Variants in BMPER observed in about 807,000 individuals in gnomAD.
BMPER encodes the protein BMP-binding endothelial regulator protein.
A neutral mutation model predicts 87.3 loss-of-function variants in BMPER; 45 were observed. The observed-to-expected ratio is 0.52, with a 90% CI of 0.41 to 0.66. The LOEUF is 0.66. Among genes scored for constraint, BMPER ranks in the 30% least tolerant of loss-of-function variants. The pLI, the probability that BMPER is intolerant of heterozygous loss-of-function variation, is 0.00. For missense variants in BMPER, 784 were observed against 867.5 expected, an observed-to-expected ratio of 0.90 and a Z score of 1.21; for synonymous variants, 326 against 316.2, an observed-to-expected ratio of 1.03 and a Z score of -0.33.
chr7:33,990,611 T>C lies in BMPER; in HGVS notation c.576+15827T>C, dbSNP rs1786181303. Among the ~76,000 whole-genome samples, 3 of 151,908 alleles carry C rather than the reference T, an allele frequency of 2.0e-5. No individual in the cohort carries two copies. The South Asian group carries it at 6.3e-4, about 32-fold the overall frequency. On this transcript the variant is annotated intron_variant, in intron 6 of 14. Transcript: ENST00000649409. The stretch of plus-strand genomic sequence containing the variant: ...TTCTAATTGAATACCCTTTATTTCC[T>C]TCTCCTGACTAATTGCCCTGGCCAG...
At chr7:33,995,568 A>T (rs1786384589) in intron 6 of BMPER, among the ~76,000 whole-genome samples, 1 of 152,154 alleles carries the variant, frequency 6.6e-6, no homozygotes, top group Admixed American at 6.5e-5. Flanking sequence ...GTAGCATGGT[A>T]TGCCTCCACA....
chr7:34,104,678 G>A (rs932763960), intron 13 of BMPER, among the ~76,000 whole-genome samples: 5 of 152,150 alleles, frequency 3.3e-5, no homozygotes, highest in Non-Finnish European at 7.3e-5. Flanking sequence ...GGGTTGAAAC[G>A]TGGGTGTGGC....
chr7:34,076,779 G>A (rs562012274), intron 11 of BMPER, among the ~76,000 whole-genome samples: 1 of 152,252 alleles, frequency 6.6e-6, no homozygotes, highest in Admixed American at 6.5e-5. Context: ...GGAGAAGATT[G>A]CCACAGGAGA....
intron 1 of BMPER, 55 bp downstream of exon 1, chr7:33,905,801 GA>G: frequency 2.1e-6 from 2 of 974,932 alleles, no homozygotes; most frequent in Non-Finnish European, 1.5e-6. Context: ...TGGTACCTGG[GA>G]AAGGTGGCGC....
At chr7:34,116,715 C>T (rs529734979) in intron 13 of BMPER, among the ~76,000 whole-genome samples, 5 of 152,196 alleles carry the variant, frequency 3.3e-5, no homozygotes, top group African/African-American at 7.2e-5. Context: ...CCTGGCTGGG[C>T]GCTGTGGCTC....
At chr7:34,099,833 G>A (rs1470064921) in intron 13 of BMPER, among the ~76,000 whole-genome samples, 1 of 151,630 alleles carries the variant, frequency 6.6e-6, no homozygotes, top group Non-Finnish European at 1.5e-5. Flanking sequence ...TGCTTAAGAT[G>A]TTCTCAATTG....
chr7:34,113,248 T>A (rs976999786), intron 13 of BMPER, among the ~76,000 whole-genome samples: 1 of 151,994 alleles, frequency 6.6e-6, no homozygotes, highest in Non-Finnish European at 1.5e-5. Context: ...GATATTAGCC[T>A]TTTATAGTAT....
intron 6 of BMPER, among the ~76,000 whole-genome samples, chr7:34,014,922 C>T (rs1786979661): frequency 6.6e-6 from 1 of 151,790 alleles, no homozygotes; most frequent in Non-Finnish European, 1.5e-5. Flanking sequence ...TGCTTACAAA[C>T]TTGTTTTGTT....
At chr7:34,084,678 TCA>T (rs1275105971) in intron 12 of BMPER, among the ~76,000 whole-genome samples, 3 of 152,210 alleles carry the variant, frequency 2.0e-5, no homozygotes, top group Non-Finnish European at 4.4e-5. Flanking sequence ...GGTGGTATCT[TCA>T]CACACAGTGT....
chr7:33,936,918 C>A (rs952419016), intron 2 of BMPER, among the ~76,000 whole-genome samples: 5 of 152,170 alleles, frequency 3.3e-5, no homozygotes, highest in African/African-American at 1.2e-4. Flanking sequence ...AGTCCTGGCC[C>A]AGGTAGCCCA....
At chr7:33,992,681 G>A (rs1786260221) in intron 6 of BMPER, among the ~76,000 whole-genome samples, 2 of 150,116 alleles carry the variant, frequency 1.3e-5, no homozygotes, top group South Asian at 4.3e-4. Context: ...TGGTTATTTT[G>A]CTTATTAGTT....
chr7:34,047,846 T>TTCCTTCCCCTCCCTCCCTCCCTCCCTCCG (rs1171199052), intron 7 of BMPER, among the ~76,000 whole-genome samples: 1 of 40,908 alleles, frequency 2.4e-5, no homozygotes, highest in Admixed American at 3.4e-4. Context: ...TTTCTTTCTC[T>TTCCTTCCCCTCCCTCCCTCCCTCCCTCCG]TTCTATCATT....
At chr7:34,128,688 T>A (rs1464331210) in intron 13 of BMPER, among the ~76,000 whole-genome samples, 1 of 152,152 alleles carries the variant, frequency 6.6e-6, no homozygotes, top group Non-Finnish European at 1.5e-5. Flanking sequence ...TGAAATAGAA[T>A]AGAATAATTC....
intron 2 of BMPER, among the ~76,000 whole-genome samples, chr7:33,920,582 C>T (rs539073603): frequency 1.3e-5 from 2 of 151,976 alleles, no homozygotes; most frequent in East Asian, 3.9e-4. Context: ...CACACCACCA[C>T]GCCTGGCTAA....
intron 13 of BMPER, among the ~76,000 whole-genome samples, chr7:34,104,987 A>G (rs1274752094): frequency 6.6e-6 from 1 of 152,214 alleles, no homozygotes; most frequent in Non-Finnish European, 1.5e-5. Flanking sequence ...CTTATTTTCA[A>G]TGATCTGTCT....
At position 34,085,307 on chromosome 7, in the gene BMPER, A is replaced by G. The variant is rs942942398; in HGVS notation, c.1409-449A>G. ...GAAATTTTCCTTTGGCATTGGGGGA[A>G]TAATTACATGGTGGAATTTCTGGCT... is the stretch of plus-strand genomic sequence containing the variant. On this transcript the variant is annotated intron_variant, in intron 12 of 14. Transcript: ENST00000649409. Among the ~76,000 whole-genome samples the G allele has an allele frequency of 5.3e-5, 8 of 152,242 alleles. No homozygotes were observed. In the East Asian group the frequency reaches 1.3e-3, roughly 26 times the overall value.
Position 34,088,494 on chromosome 7 carries a change from A to G in BMPER, c.1745+2402A>G, listed in dbSNP as rs561176842. On this transcript the variant is annotated intron_variant, in intron 13 of 14. Coordinates refer to ENST00000649409, the MANE Select transcript of BMPER (RefSeq NM_001365308.1). ...CTCAGTGGAGCTCCAGAAAGGACCT[A>G]ACCTCAGGGTTTGTAGGAGACTTTA... Among the ~76,000 whole-genome samples, 10 of 152,304 alleles carry G rather than the reference A, an allele frequency of 6.6e-5. No individual in the cohort carries two copies. In the East Asian group the frequency reaches 1.9e-3, roughly 29 times the overall value.
chr7:33,997,353 T>C (rs1486564673), intron 6 of BMPER, among the ~76,000 whole-genome samples: 1 of 152,188 alleles, frequency 6.6e-6, no homozygotes, highest in Non-Finnish European at 1.5e-5. Context: ...GTAATCCAAG[T>C]TGTAATCCCC....
intron 13 of BMPER, among the ~76,000 whole-genome samples, chr7:34,105,555 A>T (rs1789796224): frequency 6.6e-6 from 1 of 152,248 alleles, no homozygotes; most frequent in Admixed American, 6.5e-5. Context: ...TCGTCAACTC[A>T]CAAGTCTTGT....
Sources: allele counts gnomAD v4.1 joint callset (sites outside exome capture counted in the v4.1 genomes callset), GRCh38; gene constraint gnomAD v4.1.1; transcripts MANE v1.5; gene names NCBI Gene and HGNC (gene_info 2026-07-23, HGNC 2026-07-21).